The following OTUD3 variants were observed in gnomAD, a reference collection of about 807,000 sequenced individuals.
OTUD3 encodes the protein OTU deubiquitinase 3.
In OTUD3, 24 loss-of-function variants were observed where a neutral mutation model predicts 46.2. That is an observed-to-expected ratio of 0.52 (90% CI 0.38 to 0.73). The LOEUF (loss-of-function observed/expected upper bound fraction) is 0.73. Among genes scored for constraint, OTUD3 ranks in the 30% least tolerant of loss-of-function variants. OTUD3 has a pLI of 0.00. For synonymous variants in OTUD3, 189 were observed against 195.4 expected (o/e 0.97, Z 0.27); for missense variants, 455 against 523.3 (o/e 0.87, Z 1.27).
chr1:19,903,761 A>G (rs1009351767), intron 4 of OTUD3, among the ~76,000 whole-genome samples: 2 of 152,326 alleles, frequency 1.3e-5, no homozygotes, highest in African/African-American at 4.8e-5. Flanking sequence ...TAGATGAGTC[A>G]TGCTCATCCG....
Position 19,909,372 on chromosome 1 carries a change from T to C in OTUD3, c.*1626T>C, listed in dbSNP as rs2045705319. The C allele has an allele frequency of 6.6e-6, 1 of 152,358 alleles. No individual in the cohort carries two copies. The allele number at this position is 152,358 out of a possible 1,614,324, so 9.4% of individuals were successfully genotyped here. A position where few individuals can be genotyped will look rare whatever the true frequency, so the allele number is the denominator to read the frequency against. On this transcript the variant is annotated 3_prime_UTR_variant, in exon 8 of 8. Transcript: ENST00000375120. ...GGTTTAGGTTTCTTCCTGGGTACAG[T>C]ACATTGTAAAATTTAGCAGATTAAA...
At chr1:19,884,226 G>A (rs1230891604) in intron 1 of OTUD3, among the ~76,000 whole-genome samples, 1 of 152,096 alleles carries the variant, frequency 6.6e-6, no homozygotes, top group Non-Finnish European at 1.5e-5. Context: ...CTGCTATACT[G>A]GGTATGGTAT....
intron 1 of OTUD3, among the ~76,000 whole-genome samples, chr1:19,883,147 C>T (rs1003512525): frequency 2.0e-5 from 3 of 152,224 alleles, no homozygotes; most frequent in Non-Finnish European, 4.4e-5. Flanking sequence ...GTAAGCCCCA[C>T]TTGGTAGAAC....
intron 4 of OTUD3, among the ~76,000 whole-genome samples, chr1:19,903,322 G>A (rs2045618044): frequency 6.6e-6 from 1 of 152,044 alleles, no homozygotes; most frequent in African/African-American, 2.4e-5. Flanking sequence ...AAAGTGCTGG[G>A]ATTACAGGTG....
rs183502111 is a variant in OTUD3 at position 19,911,130 on chromosome 1, T to G, written c.*3384T>G. ...GGGGGAAGAGAATGGAGCTTCCTGA[T>G]TTTAATGTGTTGCGTCAGTGGCCCT... On this transcript the variant is annotated 3_prime_UTR_variant, in exon 8 of 8. Transcript: ENST00000375120. 2.0e-5 allele frequency: 3 copies of G among 152,464 alleles called. No homozygotes were observed. The highest frequency in any genetic ancestry group is 7.2e-5 in the African/African-American group (3 of 41,566). The allele number at this position is 152,464 out of a possible 1,614,324, so 9.4% of individuals were successfully genotyped here.
In OTUD3 at chr1:19,907,869, C is replaced by A; in HGVS notation, c.*123C>A. 1 of 806,576 alleles carries A rather than the reference C, an allele frequency of 1.2e-6. No homozygotes were observed. Among genetic ancestry groups the A allele is most frequent in the Non-Finnish European group, 1.9e-6 (1 of 520,964 alleles). 50.0% of individuals were successfully genotyped at this position (806,576 alleles called of 1,614,324 possible). A position where few individuals can be genotyped will look rare whatever the true frequency, so the allele number is the denominator to read the frequency against. ...CCAACGAAGCCCACACATGAGCTCA[C>A]ACACTGAGTTAGTTTCGTTCAAGCT... is the stretch of plus-strand genomic sequence containing the variant. On this transcript the variant is annotated 3_prime_UTR_variant, in exon 8 of 8. Transcript: ENST00000375120.
chr1:19,899,873 A>AT (rs908560605), intron 4 of OTUD3, among the ~76,000 whole-genome samples: 1 of 151,918 alleles, frequency 6.6e-6, no homozygotes, highest in Admixed American at 6.5e-5. Flanking sequence ...ACATATTTCT[A>AT]TTTTTTGTAA....
In OTUD3 at chr1:19,907,552, C is replaced by T. The variant is rs757606543; in HGVS notation, c.1021-18C>T. 2.5e-6 allele frequency: 4 copies of T among 1,613,306 alleles called. No individual in the cohort carries two copies. The South Asian group carries it at 3.3e-5, about 13-fold the overall frequency. ...GTCCCCCGTGCTTCCTACTCACCAC[C>T]ATGGCCTTCTCTCTCAGGTCACAAA... On this transcript the variant is annotated intron_variant, in intron 7 of 7. Coordinates refer to ENST00000375120, the MANE Select transcript of OTUD3 (RefSeq NM_015207.2).
At position 19,907,426 on chromosome 1, in the gene OTUD3, A is replaced by T; in HGVS notation, c.1021-144A>T. The T allele has an allele frequency of 1.1e-5, 7 of 647,410 alleles. No homozygotes were observed. The South Asian group carries it at 1.5e-4, about 14-fold the overall frequency. The allele number at this position is 647,410 out of a possible 1,614,324, so 40.1% of individuals were successfully genotyped here. The stretch of plus-strand genomic sequence containing the variant: ...AATGCAAATTTGAGCAGCAGTGGAC[A>T]GTAAATCATCTTTGGCGTCTTAGAT... On this transcript the variant is annotated intron_variant, in intron 7 of 7. Coordinates refer to ENST00000375120, the MANE Select transcript of OTUD3 (RefSeq NM_015207.2).
intron 4 of OTUD3, among the ~76,000 whole-genome samples, chr1:19,903,129 C>A (rs2045614582): frequency 6.8e-6 from 1 of 146,676 alleles, no homozygotes; most frequent in Non-Finnish European, 1.5e-5. Flanking sequence ...CTCACTGCAA[C>A]CTCCACCTCC....
chr1:19,896,803 G>A (rs1260872213), intron 3 of OTUD3, among the ~76,000 whole-genome samples: 1 of 152,186 alleles, frequency 6.6e-6, no homozygotes, highest in Admixed American at 6.5e-5. Flanking sequence ...TAGGGCTTCT[G>A]TACTGCACAA....
Position 19,910,082 on chromosome 1 carries a change from A to C in OTUD3, c.*2336A>C, listed in dbSNP as rs2045715978. On this transcript the variant is annotated 3_prime_UTR_variant, in exon 8 of 8. Coordinates refer to ENST00000375120, the MANE Select transcript of OTUD3 (RefSeq NM_015207.2). The stretch of plus-strand genomic sequence containing the variant: ...TGGGTACATGAGAAGGTTGGAATCA[A>C]CATGCTTAGTTGCCTCAGTGGGCAC... The C allele has an allele frequency of 6.6e-6, 1 of 152,384 alleles. No individual in the cohort carries two copies. The highest frequency in any genetic ancestry group is 2.4e-5 in the African/African-American group (1 of 41,454). 9.4% of individuals were successfully genotyped at this position (152,384 alleles called of 1,614,324 possible). A position where few individuals can be genotyped will look rare whatever the true frequency, so the allele number is the denominator to read the frequency against.
chr1:19,891,140 A>G (rs1335538776), intron 2 of OTUD3, among the ~76,000 whole-genome samples: 1 of 152,206 alleles, frequency 6.6e-6, no homozygotes, highest in Non-Finnish European at 1.5e-5. Context: ...TTAAAATTAG[A>G]AAAACCAATA....
intron 4 of OTUD3, among the ~76,000 whole-genome samples, chr1:19,901,167 C>G (rs2045584360): frequency 6.6e-6 from 1 of 152,050 alleles, no homozygotes; most frequent in Non-Finnish European, 1.5e-5. Context: ...AACTTGGTCT[C>G]CCAAAGTGCT....
intron 3 of OTUD3, among the ~76,000 whole-genome samples, chr1:19,896,509 C>T (rs1036811667): frequency 6.6e-6 from 1 of 152,160 alleles, no homozygotes; most frequent in Non-Finnish European, 1.5e-5. Flanking sequence ...CTAAACCAGA[C>T]TCTCTGCACT....
chr1:19,885,063 A>G (rs1409112142), intron 1 of OTUD3, among the ~76,000 whole-genome samples: 3 of 152,144 alleles, frequency 2.0e-5, no homozygotes, highest in Non-Finnish European at 4.4e-5. Context: ...GAACGGTCCC[A>G]TCTGAGAAGG....
chr1:19,895,243 T>C (rs756746583), intron 3 of OTUD3, among the ~76,000 whole-genome samples: 25 of 152,232 alleles, frequency 1.6e-4, no homozygotes, highest in Non-Finnish European at 2.9e-4. Flanking sequence ...CTTTGTAAAT[T>C]GCTCAGTCAT....
chr1:19,884,106 C>CT (rs1207375339), intron 1 of OTUD3, among the ~76,000 whole-genome samples: 1 of 152,190 alleles, frequency 6.6e-6, no homozygotes, highest in Non-Finnish European at 1.5e-5. Flanking sequence ...GTCAGCTAGC[C>CT]TAAGCATAAG....
intron 4 of OTUD3, among the ~76,000 whole-genome samples, chr1:19,898,936 G>C (rs1034293092): frequency 3.3e-5 from 5 of 152,040 alleles, no homozygotes; most frequent in Non-Finnish European, 7.4e-5. Flanking sequence ...TTGGCCTCAT[G>C]AGTAACTAGG....
Sources: allele counts gnomAD v4.1 joint callset (sites outside exome capture counted in the v4.1 genomes callset), GRCh38; gene constraint gnomAD v4.1.1; transcripts MANE v1.5; gene names NCBI Gene and HGNC (gene_info 2026-07-23, HGNC 2026-07-21).